Variants in PTGDR observed in about 807,000 individuals in gnomAD.
The protein encoded by PTGDR is PGD2 receptor.
A neutral mutation model predicts 17.4 loss-of-function variants in PTGDR; 19 were observed. The ratio of observed to expected loss-of-function variants is 1.09; its 90% CI spans 0.76 to 1.60. The LOEUF is 1.60. Among genes scored for constraint, PTGDR ranks in the 40% most tolerant of loss-of-function variants. The pLI, the probability that PTGDR is intolerant of heterozygous loss-of-function variation, is 0.00. For synonymous variants in PTGDR, 267 were observed against 224.2 expected (o/e 1.19, Z -1.71); for missense variants, 526 against 481.9 (o/e 1.09, Z -0.86).
downstream of PTGDR, among the ~76,000 whole-genome samples, chr14:52,277,289 G>T (rs1023099419): frequency 2.0e-5 from 3 of 152,206 alleles, no homozygotes; most frequent in East Asian, 5.8e-4. Flanking sequence ...GGGTTGTCAG[G>T]AGAACTTCAC....
chr14:52,267,882 G>A lies in PTGDR; in HGVS notation c.68G>A (p.Gly23Asp), dbSNP rs2033231012. The change falls in exon 1 of 2, where the codon GGC becomes GAC. Residue 23 changes from glycine (G) to aspartate (D), a missense_variant. By Grantham distance (94) the Gly-to-Asp change is moderately conservative. Transcript: ENST00000306051. ...SVEKGNSAVMGGVLFSTGLLG... is the reference protein window; with the variant it reads ...SVEKGNSAVMDGVLFSTGLLG... ...GAAAAAGGCAACTCGGCGGTGATGG[G>A]CGGGGTGCTCTTCAGCACCGGCCTC... is the stretch of plus-strand genomic sequence containing the variant. 3 of 1,605,948 alleles carry A rather than the reference G, an allele frequency of 1.9e-6. No homozygotes were observed. In the African/African-American group the frequency reaches 4.0e-5, roughly 21 times the overall value.
intron 1 of PTGDR, 148 bp from the exon 2 acceptor site, chr14:52,274,583 G>A: frequency 1.5e-6 from 1 of 671,986 alleles, no homozygotes; most frequent in Non-Finnish European, 2.5e-6. Flanking sequence ...CCCATCAGCT[G>A]CTGTGGCCTT....
At chr14:52,268,787 T>G (rs1346617139) in intron 1 of PTGDR, 127 bp downstream of exon 1, 10 of 1,025,772 alleles carry the variant, frequency 9.7e-6, no homozygotes, top group Non-Finnish European at 1.4e-5. Flanking sequence ...CAGGAAGGTT[T>G]GCTGCTGAGT....
At chr14:52,277,388 A>T (rs1390205838), downstream of PTGDR, among the ~76,000 whole-genome samples, 2 of 152,232 alleles carry the variant, frequency 1.3e-5, no homozygotes, top group Admixed American at 6.5e-5. Flanking sequence ...AAGTTTACAT[A>T]AGAGAAAATA....
chr14:52,274,964 A>G lies in PTGDR; in HGVS notation c.1080A>G (p.Ter360TrpextTer22). The change falls in exon 2 of 2, where the codon TGA becomes TGG. Residue 360 changes from the stop codon to tryptophan (W), a stop_lost. Coordinates refer to ENST00000306051, the MANE Select transcript of PTGDR (RefSeq NM_000953.3). ...CCACTAACATGGAATCCAGTCTGTGACAGTGTTTTTCACTCTGTGGTAAGC... is the reference window on the plus strand; with the variant it reads ...CCACTAACATGGAATCCAGTCTGTGGCAGTGTTTTTCACTCTGTGGTAAGC... ...SNSTNMESSL[*>W] The G allele has an allele frequency of 6.5e-7, 1 of 1,547,452 alleles. No homozygotes were observed. Among genetic ancestry groups the G allele is most frequent in the Non-Finnish European group, 8.9e-7 (1 of 1,122,422 alleles).
At chr14:52,269,627 A>C in intron 1 of PTGDR, 1 of 1,126,208 alleles carries the variant, frequency 8.9e-7, no homozygotes, top group Non-Finnish European at 1.2e-6. Flanking sequence ...TGAATAGGAA[A>C]GTTGTTAAAT....
downstream of PTGDR, among the ~76,000 whole-genome samples, chr14:52,278,440 G>T (rs554734951): frequency 1.3e-5 from 2 of 152,076 alleles, no homozygotes; most frequent in Non-Finnish European, 2.9e-5. Context: ...ACACAGGAAG[G>T]GGAACATCAC....
intron 1 of PTGDR, chr14:52,269,592 C>T (rs11157908): frequency 0.12 from 172,562 of 1,388,810 alleles, 11,577 homozygotes; most frequent in Middle Eastern, 0.25. Flanking sequence ...GCCAATCCCA[C>T]GTTCTCGAAA....
At chr14:52,280,145 C>T (rs920397371), downstream of PTGDR, among the ~76,000 whole-genome samples, 1 of 152,096 alleles carries the variant, frequency 6.6e-6, no homozygotes, top group Non-Finnish European at 1.5e-5. Flanking sequence ...ATTAGTCTAG[C>T]GGTGCGTTGT....
Position 52,267,922 on chromosome 14 carries a change from G to A in PTGDR, c.108G>A (p.Leu36=). Reference sequence around the variant, plus strand: ...GCACCGGCCTCCTGGGCAACCTGCTGGCCCTGGGGCTGCTGGCGCGCTCGG... The same window carrying A: ...GCACCGGCCTCCTGGGCAACCTGCTAGCCCTGGGGCTGCTGGCGCGCTCGG... The part of the protein sequence containing the change: ...LFSTGLLGNL[L]ALGLLARSGL... Residue 36 remains leucine, a synonymous_variant, in exon 1 of 2, where the codon CTG becomes CTA. Coordinates refer to ENST00000306051, the MANE Select transcript of PTGDR (RefSeq NM_000953.3). The A allele has an allele frequency of 1.2e-6, 2 of 1,610,258 alleles. No homozygotes were observed. The highest frequency in any genetic ancestry group is 1.1e-5 in the South Asian group (1 of 90,898).
chr14:52,280,244 A>G (rs2033472765), downstream of PTGDR, among the ~76,000 whole-genome samples: 1 of 152,234 alleles, frequency 6.6e-6, no homozygotes, highest in Non-Finnish European at 1.5e-5. Context: ...AACTGTCATG[A>G]CACACAATTC....
rs1281833392 is a variant in PTGDR, at chr14:52,271,281, A to T, written c.846+2621A>T. On this transcript the variant is annotated intron_variant, in intron 1 of 1. Coordinates refer to ENST00000306051, the MANE Select transcript of PTGDR (RefSeq NM_000953.3). ...TGTATTATTGTTGCCTGCTGGACAT[A>T]AAAAAAAATCAAGAACGATTATCGT... Among the ~76,000 whole-genome samples the T allele has an allele frequency of 4.0e-5, 6 of 151,656 alleles. No individual in the cohort carries two copies. In the East Asian group the frequency reaches 1.2e-3, roughly 29 times the overall value.
Position 52,276,473 on chromosome 14 carries a change from T to C in PTGDR, c.*1509T>C, listed in dbSNP as rs2033428061. 2 of 152,322 alleles carry C rather than the reference T, an allele frequency of 1.3e-5. 1 individual carries two copies. The highest frequency in any genetic ancestry group is 4.1e-4 in the South Asian group (2 of 4,828). The allele number at this position is 152,322 out of a possible 1,614,324, so 9.4% of individuals were successfully genotyped here. A position where few individuals can be genotyped will look rare whatever the true frequency, so the allele number is the denominator to read the frequency against. On this transcript the variant is annotated 3_prime_UTR_variant, in exon 2 of 2. Transcript: ENST00000306051. Reference sequence around the variant, plus strand: ...GGTAATTTTTTATGTAATTTTTTGGTATAGCAAAACTGTGAAAAAGCCAAA... The same window carrying C: ...GGTAATTTTTTATGTAATTTTTTGGCATAGCAAAACTGTGAAAAAGCCAAA...
chr14:52,274,650 C>A (rs183782583), intron 1 of PTGDR, 81 bp from the exon 2 acceptor site: 226 of 1,214,920 alleles, frequency 1.9e-4, no homozygotes, highest in South Asian at 1.8e-3. Flanking sequence ...CATGTTCTTA[C>A]AGTAACTTAG....
Position 52,276,244 on chromosome 14 carries a change from G to A in PTGDR, c.*1280G>A, listed in dbSNP as rs201131417. 1 of 152,170 alleles carries A rather than the reference G, an allele frequency of 6.6e-6. No individual in the cohort carries two copies. The highest frequency in any genetic ancestry group is 1.5e-5 in the Non-Finnish European group (1 of 68,038). The allele number at this position is 152,170 out of a possible 1,614,324, so 9.4% of individuals were successfully genotyped here. On this transcript the variant is annotated 3_prime_UTR_variant, in exon 2 of 2. Transcript: ENST00000306051. ...AAGAACAGCTGGGGAGGTTCAAGGGGTTTCAGCATCTCTGGAGTTCCTTTG... is the reference window on the plus strand; with the variant it reads ...AAGAACAGCTGGGGAGGTTCAAGGGATTTCAGCATCTCTGGAGTTCCTTTG...
chr14:52,273,817 AT>A (rs2033367443), intron 1 of PTGDR, among the ~76,000 whole-genome samples: 1 of 152,212 alleles, frequency 6.6e-6, no homozygotes, highest in Non-Finnish European at 1.5e-5. Context: ...CCTAAAATGT[AT>A]TTAGAATTGT....
downstream of PTGDR, among the ~76,000 whole-genome samples, chr14:52,279,443 A>G (rs575921091): frequency 6.6e-6 from 1 of 152,354 alleles, no homozygotes; most frequent in East Asian, 1.9e-4. Flanking sequence ...CAATGTTAAC[A>G]TTGTAAAAAC....
chr14:52,280,691 G>A (rs533207416), downstream of PTGDR, among the ~76,000 whole-genome samples: 8 of 152,250 alleles, frequency 5.3e-5, no homozygotes, highest in South Asian at 2.1e-4. Context: ...CTGCTCTATC[G>A]TCTGCATTAT....
rs2033411841 is a variant in PTGDR at position 52,275,702 on chromosome 14, T to C, written c.*738T>C. On this transcript the variant is annotated 3_prime_UTR_variant, in exon 2 of 2. Transcript: ENST00000306051. ...TTTTGTATTGAGTCAAGGGTGTCAG[T>C]AGGAATCAAAAGTTGGGGGTGGGTT... is the stretch of plus-strand genomic sequence containing the variant. 1 of 152,526 alleles carries C rather than the reference T, an allele frequency of 6.6e-6. No individual in the cohort carries two copies. The allele number at this position is 152,526 out of a possible 1,614,324, so 9.4% of individuals were successfully genotyped here.
Sources: allele counts gnomAD v4.1 joint callset (sites outside exome capture counted in the v4.1 genomes callset), GRCh38; gene constraint gnomAD v4.1.1; transcripts MANE v1.5; gene names NCBI Gene and HGNC (gene_info 2026-07-23, HGNC 2026-07-21).